DDC: variants seen among roughly 807,000 people sequenced by gnomAD.
DDC encodes the protein dopa decarboxylase, also known as aromatic-L-amino-acid decarboxylase.
A neutral mutation model predicts 60.0 loss-of-function variants in DDC; 43 were observed. The ratio of observed to expected loss-of-function variants is 0.72; its 90% CI spans 0.56 to 0.92. DDC has a LOEUF of 0.92. DDC is among the 40% of genes least tolerant of loss of function. The probability of loss-of-function intolerance (pLI) is 0.00; values close to 1 mark genes in which losing one functional copy is unlikely to be tolerated. For missense variants in DDC, 573 were observed against 620.2 expected (o/e 0.92, Z 0.81); for synonymous variants, 232 against 234.6 (o/e 0.99, Z 0.10).
intron 3 of DDC, 66 bp downstream of exon 3, chr7:50,539,849 C>T: frequency 8.2e-7 from 1 of 1,223,796 alleles, no homozygotes; most frequent in Non-Finnish European, 1.2e-6. Context: ...TGCATAGGTA[C>T]CGTGTCCCCA....
intron 1 of DDC, among the ~76,000 whole-genome samples, chr7:50,562,681 C>G (rs11575257): frequency 6.6e-6 from 1 of 152,214 alleles, no homozygotes; most frequent in Non-Finnish European, 1.5e-5. Flanking sequence ...GAGCACAGGG[C>G]TCCTACAGGG....
chr7:50,480,574 C>G (rs1414911723), intron 9 of DDC, among the ~76,000 whole-genome samples: 1 of 152,156 alleles, frequency 6.6e-6, no homozygotes, highest in Non-Finnish European at 1.5e-5. Context: ...TGGGGGCCGG[C>G]TGATGGGACT....
intron 6 of DDC, among the ~76,000 whole-genome samples, chr7:50,505,854 C>T (rs956187153): frequency 3.9e-5 from 6 of 152,234 alleles, no homozygotes; most frequent in African/African-American, 1.2e-4. Context: ...TACCCTCAGG[C>T]GCAGGAGGGG....
rs547558349 is a variant in DDC, at chr7:50,540,128, A to C, written c.202-100T>G. ...CCCATGGCTCCCAGCTGCCAGATGC[A>C]GCCAGACCCAGAGTTAGGTGAGTGC... On this transcript the variant is annotated intron_variant, in intron 2 of 14. Transcript: ENST00000444124. The C allele has an allele frequency of 1.1e-5, 9 of 841,266 alleles. No individual in the cohort carries two copies. In the South Asian group the frequency reaches 1.3e-4, roughly 12 times the overall value. 52.1% of individuals were successfully genotyped at this position (841,266 alleles called of 1,614,324 possible). A position where few individuals can be genotyped will look rare whatever the true frequency, so the allele number is the denominator to read the frequency against.
intron 5 of DDC, 133 bp downstream of exon 5, chr7:50,529,075 A>G: frequency 8.5e-7 from 1 of 1,183,124 alleles, no homozygotes; most frequent in Non-Finnish European, 1.3e-6. Flanking sequence ...CCTGTAGTTC[A>G]GGTCTCTATT....
At chr7:50,493,123 A>T in intron 9 of DDC, 1 of 828,242 alleles carries the variant, frequency 1.2e-6, no homozygotes, top group Middle Eastern at 2.3e-4. Context: ...CTCATCTGTA[A>T]AGAGAGCGTG....
At chr7:50,462,258 C>T (rs1009709075) in intron 14 of DDC, among the ~76,000 whole-genome samples, 2 of 102,670 alleles carry the variant, frequency 1.9e-5, no homozygotes, top group South Asian at 6.5e-4. Flanking sequence ...AGAAAATAAA[C>T]AGAAAAAGGT....
At position 50,461,839 on chromosome 7, in the gene DDC, A is replaced by G. The variant is rs111582163; in HGVS notation, c.*18+1374T>C. 3.7e-3 allele frequency among the ~76,000 whole-genome samples: 562 copies of G among 152,048 alleles called. 1 individual carries two copies. Among genetic ancestry groups the G allele is most frequent in the African/African-American group, 8.3e-3 (344 of 41,458 alleles). ...CTCTGGGTCAGCAGTTCTTCCTCAG[A>G]CCCCAGGTCTTTCTCAGCTTATGAG... is the stretch of plus-strand genomic sequence containing the variant. On this transcript the variant is annotated intron_variant, in intron 14 of 14. Transcript: ENST00000444124.
chr7:50,515,980 G>A (rs1231540285), intron 6 of DDC, among the ~76,000 whole-genome samples: 3 of 152,152 alleles, frequency 2.0e-5, no homozygotes, highest in Admixed American at 2.0e-4. Context: ...ATAATAGTGG[G>A]AGACTTTAGT....
At chr7:50,482,580 T>C (rs2042794167) in intron 9 of DDC, among the ~76,000 whole-genome samples, 1 of 152,198 alleles carries the variant, frequency 6.6e-6, no homozygotes, top group Non-Finnish European at 1.5e-5. Flanking sequence ...ATATTTTTTT[T>C]CACAATTATC....
intron 8 of DDC, among the ~76,000 whole-genome samples, chr7:50,497,470 G>A (rs1357090538): frequency 5.9e-5 from 9 of 152,222 alleles, no homozygotes; most frequent in Non-Finnish European, 1.0e-4. Flanking sequence ...CAGGCCAGCC[G>A]TGGGGAGGGC....
At chr7:50,497,603 C>T (rs560784424) in intron 8 of DDC, among the ~76,000 whole-genome samples, 4 of 152,290 alleles carry the variant, frequency 2.6e-5, no homozygotes, top group South Asian at 2.1e-4. Flanking sequence ...ATTTACTCTT[C>T]GTTTCCCAGC....
At chr7:50,550,510 A>G (rs1194211836) in intron 1 of DDC, among the ~76,000 whole-genome samples, 1 of 152,172 alleles carries the variant, frequency 6.6e-6, no homozygotes, top group Non-Finnish European at 1.5e-5. Context: ...TAGAAAGTTT[A>G]TTTTGCCAAG....
At chr7:50,523,470 C>T (rs2043954067) in intron 6 of DDC, among the ~76,000 whole-genome samples, 2 of 152,070 alleles carry the variant, frequency 1.3e-5, no homozygotes, top group African/African-American at 4.8e-5. Context: ...TCTTAAAACT[C>T]AATAATAATG....
chr7:50,520,152 G>A (rs1219945887), intron 6 of DDC, among the ~76,000 whole-genome samples: 1 of 152,100 alleles, frequency 6.6e-6, no homozygotes, highest in Non-Finnish European at 1.5e-5. Flanking sequence ...ATAATTGAAT[G>A]GAAAAGTACC....
chr7:50,499,012 G>T, intron 8 of DDC, 136 bp downstream of exon 8: 1 of 733,158 alleles, frequency 1.4e-6, no homozygotes, highest in Non-Finnish European at 2.4e-6. Flanking sequence ...TTCTGAGGAA[G>T]TCGGAATTGG....
In DDC at chr7:50,458,461, T is replaced by G. The variant is rs1243106837; in HGVS notation, c.*401A>C. ...TTAGTATTTCACTTGAATTGTTTAT[T>G]AGGCATTTAGCCACATGACAAAAGA... On this transcript the variant is annotated 3_prime_UTR_variant, in exon 15 of 15. Transcript: ENST00000444124. The G allele has an allele frequency of 1.3e-5, 2 of 152,250 alleles. No homozygotes were observed. The highest frequency in any genetic ancestry group is 2.9e-5 in the Non-Finnish European group (2 of 68,044). The allele number at this position is 152,250 out of a possible 1,614,324, so 9.4% of individuals were successfully genotyped here. A position where few individuals can be genotyped will look rare whatever the true frequency, so the allele number is the denominator to read the frequency against.
intron 9 of DDC, chr7:50,492,654 G>A (rs1297808865): frequency 8.5e-7 from 1 of 1,170,570 alleles, no homozygotes; most frequent in Non-Finnish European, 1.1e-6. Flanking sequence ...TTGTGTCTTA[G>A]GGCTTACGTT....
In DDC at chr7:50,528,179, T is replaced by A; in HGVS notation, c.672A>T (p.Glu224Asp). ...NFAMRASALQ[E>D]ALERDKAAGL... is the part of the protein sequence containing the mutation. ...CAGCCGCTTTGTCTCTCTCCAGGGC[T>A]TCCTGCAGGGCAGACGCACGCATGG... The change falls in exon 6 of 15, where the codon GAA becomes GAT. Residue 224 changes from glutamate to aspartate, a missense_variant. Coordinates refer to ENST00000444124, the MANE Select transcript of DDC (RefSeq NM_001082971.2). 6.2e-7 allele frequency: 1 copy of A among 1,613,838 alleles called. No homozygotes were observed. The highest frequency in any genetic ancestry group is 8.5e-7 in the Non-Finnish European group (1 of 1,180,042).
Sources: allele counts gnomAD v4.1 joint callset (sites outside exome capture counted in the v4.1 genomes callset), GRCh38; gene constraint gnomAD v4.1.1; transcripts MANE v1.5; gene names NCBI Gene and HGNC (gene_info 2026-07-23, HGNC 2026-07-21).